The following RPS6KA2 variants were observed in gnomAD, a reference collection of about 807,000 sequenced individuals.
RPS6KA2 encodes the protein ribosomal protein S6 kinase alpha-2.
A neutral mutation model predicts 91.8 loss-of-function variants in RPS6KA2; 42 were observed. That is an observed-to-expected ratio of 0.46 (90% CI 0.36 to 0.59). The LOEUF (loss-of-function observed/expected upper bound fraction) is 0.59. Ranked by LOEUF, RPS6KA2 falls within the 20% of genes least tolerant of loss-of-function variation. RPS6KA2 has a pLI of 0.00. For synonymous variants in RPS6KA2, 414 were observed against 393.6 expected, an observed-to-expected ratio of 1.05 and a Z score of -0.61; for missense variants, 798 against 978.5, an observed-to-expected ratio of 0.82 and a Z score of 2.46.
At chr6:166,534,301 G>T (rs1481089383) in intron 2 of RPS6KA2, among the ~76,000 whole-genome samples, 6 of 151,594 alleles carry the variant, frequency 4.0e-5, no homozygotes, top group Non-Finnish European at 7.4e-5. Flanking sequence ...GTGCCTGTAG[G>T]CCCAGCTATC....
At position 166,500,867 on chromosome 6, in the gene RPS6KA2, G is replaced by T; in HGVS notation, c.604+20C>A. The T allele has an allele frequency of 6.2e-7, 1 of 1,612,020 alleles. No homozygotes were observed. Among genetic ancestry groups the T allele is most frequent in the South Asian group, 1.1e-5 (1 of 90,982 alleles). ...GGGCTGAGATGAAGCCATGGAGGGG[G>T]CCTGCCGTCTTTTACAAACCTGTGA... On this transcript the variant is annotated intron_variant, in intron 7 of 20. Coordinates refer to ENST00000265678, the MANE Select transcript of RPS6KA2 (RefSeq NM_021135.6). The surrounding 1 kb of genome is among the most constrained non-coding windows in gnomAD (Gnocchi z 4.3).
At chr6:166,487,708 A>G (rs944642743) in intron 10 of RPS6KA2, among the ~76,000 whole-genome samples, 6 of 152,276 alleles carry the variant, frequency 3.9e-5, no homozygotes, top group African/African-American at 1.4e-4. Context: ...GAATACAACT[A>G]TGACAATTCA....
rs1779253536 is a variant in RPS6KA2 at position 166,435,121 on chromosome 6, A to G, written c.1333-2631T>C. Among the ~76,000 whole-genome samples the G allele has an allele frequency of 2.0e-5, 3 of 152,212 alleles. No individual in the cohort carries two copies. In the South Asian group the frequency reaches 6.2e-4, roughly 32 times the overall value. ...CTATTTTGTAAGCTGAAATTGCAGG[A>G]CAACGTGACTATTATTTTAAAGAAT... On this transcript the variant is annotated intron_variant, in intron 14 of 20. Transcript: ENST00000265678. This position sits in a 1 kb window ranked among gnomAD's most constrained non-coding sequence, Gnocchi z 4.3.
intron 2 of RPS6KA2, among the ~76,000 whole-genome samples, chr6:166,676,168 T>C (rs998523814): frequency 2.0e-5 from 3 of 152,004 alleles, no homozygotes. Context: ...AACACAAAAA[T>C]TAGCTGGCCG....
At chr6:166,827,846 CTT>C (rs1251977297) in intron 2 of RPS6KA2, among the ~76,000 whole-genome samples, 1 of 152,214 alleles carries the variant, frequency 6.6e-6, no homozygotes, top group Non-Finnish European at 1.5e-5. Flanking sequence ...ACTTTGATCT[CTT>C]GTTTTATGCT....
intron 19 of RPS6KA2, among the ~76,000 whole-genome samples, chr6:166,416,297 C>CCACCATCACCCTCGCCATCCTTT (rs1583102947): frequency 1.0e-5 from 1 of 98,388 alleles, no homozygotes; most frequent in Non-Finnish European, 2.2e-5. Flanking sequence ...TGCCATCCCT[C>CCACCATCACCCTCGCCATCCTTT]CTCCATCACC....
rs552899764 is a variant in RPS6KA2 at position 166,454,528 on chromosome 6, G to C, written c.1076-3295C>G. On this transcript the variant is annotated intron_variant, in intron 12 of 20. Transcript: ENST00000265678. ...AAACAAAACAAAAAAACAAGCAAAC[G>C]AAAAAATCCCAAAGTACTTAGACAT... is the stretch of plus-strand genomic sequence containing the variant. Among the ~76,000 whole-genome samples, 3 of 151,934 alleles carry C rather than the reference G, an allele frequency of 2.0e-5. No individual in the cohort carries two copies. In the East Asian group the frequency reaches 5.8e-4, roughly 29 times the overall value.
At chr6:166,571,744 G>A (rs1022019715) in intron 1 of RPS6KA2, among the ~76,000 whole-genome samples, 1 of 151,462 alleles carries the variant, frequency 6.6e-6, no homozygotes, top group South Asian at 2.1e-4. Context: ...CATTTGCCAC[G>A]TTGAGCGTGG....
chr6:166,657,325 AAAAAC>A (rs1166496911), intron 2 of RPS6KA2, among the ~76,000 whole-genome samples: 1 of 144,830 alleles, frequency 6.9e-6, no homozygotes, highest in Non-Finnish European at 1.5e-5. Flanking sequence ...ACGATTTTCT[AAAAAC>A]AAAACAGAAC....
chr6:166,714,974 G>A lies in RPS6KA2; in HGVS notation c.123+143226C>T, dbSNP rs114939280. 8.4e-3 allele frequency among the ~76,000 whole-genome samples: 1,274 copies of A among 152,296 alleles called. 9 individuals carry two copies. The highest frequency in any genetic ancestry group is 0.028 in the African/African-American group (1,161 of 41,558). On this transcript the variant is annotated intron_variant, in intron 2 of 21. Transcript: ENST00000503859. Reference sequence around the variant, plus strand: ...GCTGTACTGGGCACCCTCCCTTCCCGTCCGGCCTGTGCTCCTTCTTCAGCT... The same window carrying A: ...GCTGTACTGGGCACCCTCCCTTCCCATCCGGCCTGTGCTCCTTCTTCAGCT...
intron 1 of RPS6KA2, among the ~76,000 whole-genome samples, chr6:166,611,008 C>A (rs1022391905): frequency 2.6e-5 from 4 of 152,046 alleles, no homozygotes; most frequent in Admixed American, 2.0e-4. Context: ...TATCCTTAAA[C>A]CTACTAAATA....
At chr6:166,440,996 T>C (rs1310809381) in intron 14 of RPS6KA2, among the ~76,000 whole-genome samples, 1 of 152,198 alleles carries the variant, frequency 6.6e-6, no homozygotes, top group Admixed American at 6.5e-5. Context: ...AGAATGCCTG[T>C]GCAGAGACAC....
chr6:166,495,117 A>G lies in RPS6KA2; in HGVS notation c.747+3391T>C, dbSNP rs542373588. On this transcript the variant is annotated intron_variant, in intron 8 of 20. Coordinates refer to ENST00000265678, the MANE Select transcript of RPS6KA2 (RefSeq NM_021135.6). This position sits in a 1 kb window ranked among gnomAD's most constrained non-coding sequence, Gnocchi z 4.4. Reference sequence around the variant, plus strand: ...TAAATGAGAATGTGTTTCTGGGACTATTATGTGATCTTGAGCCCGACACTT... The same window carrying G: ...TAAATGAGAATGTGTTTCTGGGACTGTTATGTGATCTTGAGCCCGACACTT... Among the ~76,000 whole-genome samples the G allele has an allele frequency of 6.6e-6, 1 of 152,338 alleles. No homozygotes were observed. Among genetic ancestry groups the G allele is most frequent in the East Asian group, 1.9e-4 (1 of 5,188 alleles).
intron 2 of RPS6KA2, among the ~76,000 whole-genome samples, chr6:166,658,924 T>C (rs970234884): frequency 5.9e-5 from 9 of 152,152 alleles, no homozygotes; most frequent in African/African-American, 2.2e-4. Context: ...AGGGCAGACA[T>C]GCTGGGAACC....
intron 2 of RPS6KA2, among the ~76,000 whole-genome samples, chr6:166,704,356 C>T (rs1789616862): frequency 6.6e-6 from 1 of 152,242 alleles, no homozygotes; most frequent in Non-Finnish European, 1.5e-5. Context: ...CATGCGCATA[C>T]TGCTGATGAA....
intron 2 of RPS6KA2, among the ~76,000 whole-genome samples, chr6:166,681,556 T>G (rs1160382068): frequency 6.6e-6 from 1 of 151,714 alleles, no homozygotes; most frequent in African/African-American, 2.4e-5. Flanking sequence ...AAGGCTGAGC[T>G]CTCTCCCTGC....
At chr6:166,828,033 C>T (rs1204896146) in intron 2 of RPS6KA2, among the ~76,000 whole-genome samples, 1 of 152,166 alleles carries the variant, frequency 6.6e-6, no homozygotes, top group African/African-American at 2.4e-5. Flanking sequence ...GCTGCAGGTA[C>T]CTGACAGAAT....
intron 1 of RPS6KA2, among the ~76,000 whole-genome samples, chr6:166,613,108 G>C (rs978903338): frequency 2.0e-5 from 3 of 152,194 alleles, no homozygotes; most frequent in African/African-American, 7.2e-5. Flanking sequence ...CTAAGTTAAG[G>C]GGGGAGGTTT....
Position 166,493,304 on chromosome 6 carries a change from C to T in RPS6KA2, c.748-2563G>A, listed in dbSNP as rs1361658945. ...ATGGGGTTCTGCTGCCTTTCCCATCCCCTTATCCACCCTTTTCTGTGGAGA... is the reference window on the plus strand; with the variant it reads ...ATGGGGTTCTGCTGCCTTTCCCATCTCCTTATCCACCCTTTTCTGTGGAGA... On this transcript the variant is annotated intron_variant, in intron 8 of 20. Coordinates refer to ENST00000265678, the MANE Select transcript of RPS6KA2 (RefSeq NM_021135.6). This position sits in a 1 kb window ranked among gnomAD's most constrained non-coding sequence, Gnocchi z 4.7. Among the ~76,000 whole-genome samples the T allele has an allele frequency of 2.0e-5, 3 of 152,088 alleles. No homozygotes were observed. Among genetic ancestry groups the T allele is most frequent in the Non-Finnish European group, 4.4e-5 (3 of 68,016 alleles).
Sources: gnomAD v4.1 joint callset for allele counts (sites outside exome capture counted in the v4.1 genomes callset) on GRCh38, gnomAD v4.1.1 for gene constraint, Gnocchi (gnomAD v3.1) non-coding constraint, MANE v1.5 for transcripts, NCBI Gene and HGNC (gene_info 2026-07-23, HGNC 2026-07-21) for gene names.